The following PHIP variants were observed in gnomAD, a reference collection of about 807,000 sequenced individuals.
The protein encoded by PHIP is PHIP subunit of CUL4-Ring ligase complex.
In PHIP, 54 loss-of-function variants were observed where a neutral mutation model predicts 236.8. The observed-to-expected ratio is 0.23, with a 90% CI of 0.18 to 0.29. PHIP has a LOEUF of 0.29. Ranked by LOEUF, PHIP falls within the 10% of genes least tolerant of loss-of-function variation. The pLI is 1.00. For synonymous variants in PHIP, 756 were observed against 718.9 expected, an observed-to-expected ratio of 1.05 and a Z score of -0.83; for missense variants, 1,370 against 2,190.8, an observed-to-expected ratio of 0.63 and a Z score of 7.48.
intron 35 of PHIP, among the ~76,000 whole-genome samples, chr6:78,949,473 ATACCTGTGCCCCAGGGCCC>A (rs1562117491): frequency 6.6e-6 from 1 of 152,084 alleles, no homozygotes; most frequent in East Asian, 1.9e-4. Context: ...AGACAACTAG[ATACCTGTGCCCCAGGGCCC>A]ACTGGAATTA....
chr6:78,947,238 T>C (rs937535740), intron 36 of PHIP, among the ~76,000 whole-genome samples: 5 of 152,208 alleles, frequency 3.3e-5, no homozygotes, highest in Admixed American at 2.0e-4. Context: ...TTCGTTGCTA[T>C]ATAGCACTCC....
intron 19 of PHIP, among the ~76,000 whole-genome samples, chr6:78,992,230 T>C (rs1278696198): frequency 6.6e-6 from 1 of 152,148 alleles, no homozygotes; most frequent in Non-Finnish European, 1.5e-5. Flanking sequence ...CCCAAAGTGC[T>C]GGGATTACAG....
chr6:79,025,905 C>T, intron 8 of PHIP, 38 bp downstream of exon 8: 1 of 1,365,190 alleles, frequency 7.3e-7, no homozygotes, highest in Non-Finnish European at 1.0e-6. Context: ...ATTATAACAA[C>T]AACAACAACA....
At position 78,958,587 on chromosome 6, in the gene PHIP, G is replaced by T; in HGVS notation, c.3670C>A (p.Leu1224Ile). The change falls in exon 32 of 40, where the codon CTA (leucine) becomes ATA (isoleucine). Residue 1224 changes from leucine (L) to isoleucine (I), a missense_variant. Leu to Ile is a conservative substitution (Grantham distance 5). Around this residue, in one of 14 missense-constraint regions of PHIP, gnomAD observed 238 missense variants for 398.5 expected, o/e 0.60. Coordinates refer to ENST00000275034, the MANE Select transcript of PHIP (RefSeq NM_017934.7). ...ENRFYRRVSSLMWEVRYIEHN... is the reference protein window; with the variant it reads ...ENRFYRRVSSIMWEVRYIEHN... ...TCTATATATCGAACTTCCCACATTA[G>T]GGAAGAAACCCGCCTTAAAAAAACA... 6.4e-7 allele frequency: 1 copy of T among 1,569,102 alleles called. No individual in the cohort carries two copies. Among genetic ancestry groups the T allele is most frequent in the Non-Finnish European group, 8.7e-7 (1 of 1,144,186 alleles).
chr6:78,948,626 C>T (rs1250939611), intron 35 of PHIP, among the ~76,000 whole-genome samples: 1 of 152,056 alleles, frequency 6.6e-6, no homozygotes, highest in Non-Finnish European at 1.5e-5. Context: ...TCTCAAGTAG[C>T]GGGGACTACA....
At chr6:79,032,470 C>T (rs1771723699) in intron 7 of PHIP, among the ~76,000 whole-genome samples, 2 of 152,184 alleles carry the variant, frequency 1.3e-5, no homozygotes, top group African/African-American at 4.8e-5. Context: ...CCTTTGTTTT[C>T]ATTTCAACAA....
chr6:79,028,432 T>C (rs887380964), intron 7 of PHIP, among the ~76,000 whole-genome samples: 1 of 152,006 alleles, frequency 6.6e-6, no homozygotes, highest in African/African-American at 2.4e-5. Context: ...ATCAAAGACA[T>C]GGTTATAACA....
At chr6:79,008,550 A>G (rs183433274) in intron 15 of PHIP, among the ~76,000 whole-genome samples, 6 of 151,158 alleles carry the variant, frequency 4.0e-5, no homozygotes, top group African/African-American at 1.5e-4. Flanking sequence ...TCTTTTTGGC[A>G]TATTAGCATG....
rs2127742196 is a variant in PHIP, at chr6:79,017,395, A to G, written c.1096-9T>C. 6.3e-7 allele frequency: 1 copy of G among 1,585,278 alleles called. No individual in the cohort carries two copies. The highest frequency in any genetic ancestry group is 1.4e-5 in the African/African-American group (1 of 73,962). ...ATACTGTCAACTTTGTCCTATATAT[A>G]AACAAATAAACAAAAAAGTGGGTGC... On this transcript the variant is annotated splice_polypyrimidine_tract_variant and intron_variant, in intron 11 of 39. Transcript: ENST00000275034.
At position 78,935,457 on chromosome 6, in the gene PHIP, C is replaced by T. The variant is rs1236465210; in HGVS notation, c.*5236G>A. 28 of 965,260 alleles carry T rather than the reference C, an allele frequency of 2.9e-5. No individual in the cohort carries two copies. The highest frequency in any genetic ancestry group is 3.2e-5 in the Non-Finnish European group (26 of 811,792). The allele number at this position is 965,260 out of a possible 1,614,324, so 59.8% of individuals were successfully genotyped here. A position where few individuals can be genotyped will look rare whatever the true frequency, so the allele number is the denominator to read the frequency against. ...CCTTCTTTCCATCATTCCTTTTTTC[C>T]CAGAAATTGCACATTTTTGAGAAAA... On this transcript the variant is annotated 3_prime_UTR_variant, in exon 40 of 40. Transcript: ENST00000275034.
At chr6:78,952,086 G>A (rs898678681) in intron 35 of PHIP, among the ~76,000 whole-genome samples, 18 of 151,744 alleles carry the variant, frequency 1.2e-4, no homozygotes, top group African/African-American at 2.7e-4. Flanking sequence ...TGTATATCCC[G>A]ATCAGGAATC....
intron 24 of PHIP, among the ~76,000 whole-genome samples, chr6:78,976,098 G>A (rs932659374): frequency 6.6e-6 from 1 of 150,836 alleles, no homozygotes; most frequent in African/African-American, 2.4e-5. Context: ...CAAAGCTGGA[G>A]GCATCACACT....
At position 78,982,982 on chromosome 6, in the gene PHIP, C is replaced by G. The variant is rs1768637365; in HGVS notation, c.2673G>C (p.Lys891Asn). ...SDEEEESEKQ[K>N]QKQIKKEKKK... ...TCTTTTCCTTTTTAATCTGTTTTTG[C>G]TTCTGTTTTTCAGATTCTTCTTCTT... Residue 891 changes from lysine (K) to asparagine (N), a missense_variant, in exon 23 of 40, where the codon AAG (lysine) becomes AAC (asparagine). Coordinates refer to ENST00000275034, the MANE Select transcript of PHIP (RefSeq NM_017934.7). 1 of 1,607,804 alleles carries G rather than the reference C, an allele frequency of 6.2e-7. No individual in the cohort carries two copies. Among genetic ancestry groups the G allele is most frequent in the Admixed American group, 1.7e-5 (1 of 59,530 alleles).
At chr6:78,989,392 G>A (rs1384357543) in intron 20 of PHIP, among the ~76,000 whole-genome samples, 1 of 152,124 alleles carries the variant, frequency 6.6e-6, no homozygotes, top group East Asian at 1.9e-4. Context: ...AACGCACTCT[G>A]GCCTGGGTAA....
At position 79,059,591 on chromosome 6, in the gene PHIP, T is replaced by TTATATATATATATATATA. The variant is rs72226338; in HGVS notation, c.439+869_439+886dup. ...AGGAAACAAAAAGTTGAAAGCAAAA[T>TTATATATATATATATATA]TATATATATATATATATATATATAT... On this transcript the variant is annotated intron_variant, in intron 6 of 39. Transcript: ENST00000275034. Among the ~76,000 whole-genome samples the TTATATATATATATATATA allele has an allele frequency of 3.5e-3, 295 of 84,502 alleles. 1 individual carries two copies. The highest frequency in any genetic ancestry group is 4.9e-3 in the African/African-American group (104 of 21,078). 55.4% of individuals were successfully genotyped at this position (84,502 alleles called of 152,430 possible). A position where few individuals can be genotyped will look rare whatever the true frequency, so the allele number is the denominator to read the frequency against.
At position 79,003,733 on chromosome 6, in the gene PHIP, G is replaced by A. The variant is rs1434665981; in HGVS notation, c.1650C>T (p.Asp550=). 1 of 1,601,988 alleles carries A rather than the reference G, an allele frequency of 6.2e-7. No homozygotes were observed. Among genetic ancestry groups the A allele is most frequent in the African/African-American group, 1.4e-5 (1 of 73,998 alleles). The part of the protein sequence containing the change: ...IFGFGSSSKY[D]KIADQMFFHS... ...ATATATAGTCATCATACTCTACCTT[G>A]TCATATTTGCTACTGGACCCAAAGC... is the stretch of plus-strand genomic sequence containing the variant. The change falls in exon 16 of 40, where the codon GAC becomes GAT. Residue 550 remains aspartate, a synonymous_variant. Coordinates refer to ENST00000275034, the MANE Select transcript of PHIP (RefSeq NM_017934.7).
rs1771376405 is a variant in PHIP, at chr6:79,025,872, T to C, written c.822+71A>G. The C allele has an allele frequency of 6.1e-6, 7 of 1,151,158 alleles. No individual in the cohort carries two copies. The South Asian group carries it at 9.3e-5, about 15-fold the overall frequency. The allele number at this position is 1,151,158 out of a possible 1,614,324, so 71.3% of individuals were successfully genotyped here. ...CTTCTTAAAATTTAATAACCAAAAG[T>C]GACTTCATTAAATTTACTTTACATT... On this transcript the variant is annotated intron_variant, in intron 8 of 39. Coordinates refer to ENST00000275034, the MANE Select transcript of PHIP (RefSeq NM_017934.7).
At chr6:79,044,384 G>A (rs1332402802) in intron 6 of PHIP, among the ~76,000 whole-genome samples, 1 of 152,138 alleles carries the variant, frequency 6.6e-6, no homozygotes, top group Non-Finnish European at 1.5e-5. Context: ...GACTCAATAA[G>A]TTTCAATCAT....
intron 7 of PHIP, among the ~76,000 whole-genome samples, chr6:79,026,610 T>C (rs1327989498): frequency 1.3e-5 from 2 of 152,076 alleles, no homozygotes; most frequent in Admixed American, 1.3e-4. Flanking sequence ...CTATCACTGA[T>C]CTTCAGCTAA....
Sources: gnomAD v4.1 joint callset for allele counts (sites outside exome capture counted in the v4.1 genomes callset) on GRCh38, gnomAD v4.1.1 for gene constraint, gnomAD v4.1.1 regional missense constraint, MANE v1.5 for transcripts, NCBI Gene and HGNC (gene_info 2026-07-23, HGNC 2026-07-21) for gene names.